Variants in PLEKHM3 observed in about 807,000 individuals in gnomAD.
PLEKHM3 encodes pleckstrin homology domain containing M3.
PLEKHM3 carries 45 observed loss-of-function variants against 81.8 expected under a neutral mutation model. That is an observed-to-expected ratio of 0.55 (90% CI 0.43 to 0.71). The LOEUF is 0.71. Ranked by LOEUF, PLEKHM3 falls within the 30% of genes least tolerant of loss-of-function variation. The pLI, the probability that PLEKHM3 is intolerant of heterozygous loss-of-function variation, is 0.00. For missense variants in PLEKHM3, 788 were observed against 924.3 expected, an observed-to-expected ratio of 0.85 and a Z score of 1.91; for synonymous variants, 352 against 356.4, an observed-to-expected ratio of 0.99 and a Z score of 0.14.
intron 3 of PLEKHM3, among the ~76,000 whole-genome samples, chr2:207,951,464 A>G (rs1206058249): frequency 6.6e-6 from 1 of 152,184 alleles, no homozygotes; most frequent in African/African-American, 2.4e-5. Flanking sequence ...CTCTTTTTGA[A>G]ACTTTTCAGA....
intron 3 of PLEKHM3, among the ~76,000 whole-genome samples, chr2:207,961,755 T>C (rs1690743118): frequency 6.6e-6 from 1 of 152,126 alleles, no homozygotes; most frequent in Non-Finnish European, 1.5e-5. Flanking sequence ...CAGTTTCTCG[T>C]CTGCTTGGTC....
intron 1 of PLEKHM3, among the ~76,000 whole-genome samples, chr2:208,007,233 G>A (rs1309990539): frequency 1.3e-5 from 2 of 152,228 alleles, no homozygotes; most frequent in Non-Finnish European, 2.9e-5. Flanking sequence ...AGAGCCAAGG[G>A]TGATTACAAG....
Position 207,823,118 on chromosome 2 carries a change from CAAA to C in PLEKHM3, c.*5198_*5200del, listed in dbSNP as rs2092228657. The C allele has an allele frequency of 6.6e-6, 1 of 151,998 alleles. No homozygotes were observed. Among genetic ancestry groups the C allele is most frequent in the African/African-American group, 2.4e-5 (1 of 41,338 alleles). The allele number at this position is 151,998 out of a possible 1,614,324, so 9.4% of individuals were successfully genotyped here. A position where few individuals can be genotyped will look rare whatever the true frequency, so the allele number is the denominator to read the frequency against. On this transcript the variant is annotated 3_prime_UTR_variant, in exon 8 of 8. Coordinates refer to ENST00000427836, the MANE Select transcript of PLEKHM3 (RefSeq NM_001080475.3). ...TTCATTCAAAGTCTGGAACTTCATT[CAAA>C]GTCTGGAACTTCATTCAAAGTCTTG...
intron 2 of PLEKHM3, among the ~76,000 whole-genome samples, chr2:207,979,135 A>G (rs566804340): frequency 1.3e-5 from 2 of 152,308 alleles, no homozygotes; most frequent in South Asian, 4.1e-4. Flanking sequence ...CTGTTTTACA[A>G]GTCATGCCAT....
intron 2 of PLEKHM3, among the ~76,000 whole-genome samples, chr2:207,993,248 G>A (rs1436978500): frequency 3.9e-5 from 6 of 152,144 alleles, no homozygotes; most frequent in Non-Finnish European, 5.9e-5. Flanking sequence ...GCTGCCACAG[G>A]CCAACATTCA....
intron 3 of PLEKHM3, among the ~76,000 whole-genome samples, chr2:207,954,353 C>A (rs1293044035): frequency 6.6e-6 from 1 of 152,130 alleles, no homozygotes; most frequent in African/African-American, 2.4e-5. Flanking sequence ...GAGACCCTGT[C>A]TCTAAAAACC....
chr2:207,860,991 A>T, intron 7 of PLEKHM3, 114 bp downstream of exon 7: 1 of 1,247,654 alleles, frequency 8.0e-7, no homozygotes, highest in South Asian at 1.5e-5. Context: ...GGAAAACCTG[A>T]TCCAGGGTAA....
intron 1 of PLEKHM3, among the ~76,000 whole-genome samples, chr2:208,004,543 C>T (rs758806785): frequency 6.6e-6 from 1 of 152,106 alleles, no homozygotes; most frequent in African/African-American, 2.4e-5. Context: ...ATGTTTTCAA[C>T]CTTAGTATTT....
intron 3 of PLEKHM3, among the ~76,000 whole-genome samples, chr2:207,946,732 C>A (rs1324269230): frequency 6.6e-6 from 1 of 152,188 alleles, no homozygotes; most frequent in East Asian, 1.9e-4. Context: ...TAAGGGTCAT[C>A]AACTGGTCCC....
chr2:207,986,876 C>T (rs1003347524), intron 2 of PLEKHM3, among the ~76,000 whole-genome samples: 16 of 143,400 alleles, frequency 1.1e-4, no homozygotes, highest in African/African-American at 3.9e-4. Context: ...GACAGGGCCT[C>T]GCTATGTTGC....
At position 207,977,461 on chromosome 2, in the gene PLEKHM3, C is replaced by G; in HGVS notation, c.736G>C (p.Asp246His). 1 of 1,614,086 alleles carries G rather than the reference C, an allele frequency of 6.2e-7. No individual in the cohort carries two copies. The highest frequency in any genetic ancestry group is 2.2e-5 in the East Asian group (1 of 44,882). The change falls in exon 3 of 8, where the codon GAC (aspartate) becomes CAC (histidine). Residue 246 changes from aspartate (D) to histidine (H), a missense_variant. Transcript: ENST00000427836. The stretch of plus-strand genomic sequence containing the variant: ...TAAAGGTTTTGATTCCCACTGCTGT[C>G]GAGGCTGTAGAAGTATAAGTTGTAA... Reference protein sequence around the residue: ...SPYNLYFYSLDSSGNQNLYAT... With the variant: ...SPYNLYFYSLHSSGNQNLYAT...
chr2:208,002,838 T>G (rs1692356551), intron 1 of PLEKHM3, among the ~76,000 whole-genome samples: 1 of 151,792 alleles, frequency 6.6e-6, no homozygotes, highest in South Asian at 2.1e-4. Context: ...TTAAATTTAG[T>G]AAAGTCAAAG....
chr2:207,836,965 C>T (rs898888910), intron 7 of PLEKHM3, among the ~76,000 whole-genome samples: 1 of 152,150 alleles, frequency 6.6e-6, no homozygotes, highest in African/African-American at 2.4e-5. Flanking sequence ...AATAAGTGCA[C>T]GTTATCAGGC....
chr2:207,857,717 A>G, intron 7 of PLEKHM3, among the ~76,000 whole-genome samples: 1 of 151,958 alleles, frequency 6.6e-6, no homozygotes, highest in Non-Finnish European at 1.5e-5. Context: ...TGATTTTGGC[A>G]ATTTGTATCT....
intron 6 of PLEKHM3, chr2:207,901,086 G>A (rs544279311): frequency 3.4e-6 from 2 of 596,784 alleles, no homozygotes; most frequent in East Asian, 5.6e-5. Context: ...AGGGGCTCGA[G>A]TTGGCTCCTG....
At position 207,861,094 on chromosome 2, in the gene PLEKHM3, A is replaced by G; in HGVS notation, c.2108+11T>C. 6.2e-7 allele frequency: 1 copy of G among 1,609,242 alleles called. No homozygotes were observed. Among genetic ancestry groups the G allele is most frequent in the Non-Finnish European group, 8.5e-7 (1 of 1,178,674 alleles). ...TTTGGGTGTTCTTTTATGAAATAAGATATTCTGTACCTGCTTGTTGAAATA... is the reference window on the plus strand; with the variant it reads ...TTTGGGTGTTCTTTTATGAAATAAGGTATTCTGTACCTGCTTGTTGAAATA... On this transcript the variant is annotated intron_variant, in intron 7 of 7. Coordinates refer to ENST00000427836, the MANE Select transcript of PLEKHM3 (RefSeq NM_001080475.3).
rs576377865 is a variant in PLEKHM3 at position 207,873,885 on chromosome 2, T to G, written c.1951-12623A>C. 3.3e-5 allele frequency among the ~76,000 whole-genome samples: 5 copies of G among 152,306 alleles called. No individual in the cohort carries two copies. The South Asian group carries it at 1.0e-3, about 32-fold the overall frequency. ...ATGAGAAACTAAAGTGAGTCCCTGGTTAGAAGGTTGTGATCTAATACATTG... is the reference window on the plus strand; with the variant it reads ...ATGAGAAACTAAAGTGAGTCCCTGGGTAGAAGGTTGTGATCTAATACATTG... On this transcript the variant is annotated intron_variant, in intron 6 of 7. Coordinates refer to ENST00000427836, the MANE Select transcript of PLEKHM3 (RefSeq NM_001080475.3).
chr2:207,880,486 G>T (rs144171601), intron 6 of PLEKHM3, among the ~76,000 whole-genome samples: 2,487 of 151,016 alleles, frequency 0.016, 74 homozygotes, highest in African/African-American at 0.057. Context: ...AATAGAGGCC[G>T]GGCGCGGTGG....
chr2:207,905,928 G>T (rs1688587800), intron 6 of PLEKHM3, among the ~76,000 whole-genome samples: 3 of 151,760 alleles, frequency 2.0e-5, no homozygotes, highest in African/African-American at 4.8e-5. Flanking sequence ...TATTAAAGGA[G>T]GAAAAAAAGA....
Sources: gnomAD v4.1 joint callset for allele counts (sites outside exome capture counted in the v4.1 genomes callset) on GRCh38, gnomAD v4.1.1 for gene constraint, MANE v1.5 for transcripts, NCBI Gene and HGNC (gene_info 2026-07-23, HGNC 2026-07-21) for gene names.